Variants in TBCE observed in about 807,000 individuals in gnomAD.
TBCE encodes tubulin-specific chaperone E.
TBCE carries 53 observed loss-of-function variants against 77.0 expected under a neutral mutation model. That is an observed-to-expected ratio of 0.69 (90% CI 0.55 to 0.87). The LOEUF is 0.87. Ranked by LOEUF, TBCE falls within the 40% of genes least tolerant of loss-of-function variation. The probability of loss-of-function intolerance (pLI) is 0.00; values close to 1 mark genes in which losing one functional copy is unlikely to be tolerated. For missense variants in TBCE, 624 were observed against 622.4 expected (o/e 1.00, Z -0.03); for synonymous variants, 235 against 241.3 (o/e 0.97, Z 0.24).
chr1:235,410,831 A>G (rs1679743592), intron 3 of TBCE, among the ~76,000 whole-genome samples: 1 of 152,190 alleles, frequency 6.6e-6, no homozygotes, highest in Non-Finnish European at 1.5e-5. Flanking sequence ...GGTCTCTTGC[A>G]TTCAGGGTAG....
chr1:235,429,758 C>G lies in TBCE; in HGVS notation c.561-947C>G, dbSNP rs977900672. ...TTTGAGGCAGAGTCTCACTCTGTTG[C>G]CCAGGCTGGAGTACAGTGGTATGAT... is the stretch of plus-strand genomic sequence containing the variant. On this transcript the variant is annotated intron_variant, in intron 6 of 16. Transcript: ENST00000642610. 5 of 150,662 alleles carry G rather than the reference C, an allele frequency of 3.3e-5. No individual in the cohort carries two copies. The East Asian group carries it at 9.7e-4, about 29-fold the overall frequency. 9.3% of individuals were successfully genotyped at this position (150,662 alleles called of 1,614,324 possible).
chr1:235,431,828 A>G (rs140978664), intron 7 of TBCE, among the ~76,000 whole-genome samples: 3,421 of 150,328 alleles, frequency 0.023, 138 homozygotes, highest in African/African-American at 0.079. Context: ...ATGTACCACC[A>G]TGCCCAGCTA....
chr1:235,430,473 A>G, intron 6 of TBCE: 1 of 410,924 alleles, frequency 2.4e-6, no homozygotes, highest in Non-Finnish European at 4.5e-6. Flanking sequence ...TAATCCTGTG[A>G]AAGCATCTTT....
intron 2 of TBCE, among the ~76,000 whole-genome samples, chr1:235,392,152 G>A (rs1303766221): frequency 6.6e-6 from 1 of 151,602 alleles, no homozygotes; most frequent in Non-Finnish European, 1.5e-5. Flanking sequence ...CAAGATCCCT[G>A]TCTCTAGCAA....
In TBCE at chr1:235,404,666, CT is replaced by C. The variant is rs574733114; in HGVS notation, c.185+3082del. On this transcript the variant is annotated intron_variant, in intron 3 of 16. Coordinates refer to ENST00000642610, the MANE Select transcript of TBCE (RefSeq NM_003193.5). Reference sequence around the variant, plus strand: ...TCCTGTAACTTTTTTATGTTATAAACTTTAAATTTTTTTTTTTTTTGGGATG... The same window carrying C: ...TCCTGTAACTTTTTTATGTTATAAACTTAAATTTTTTTTTTTTTTGGGATG... Among the ~76,000 whole-genome samples the C allele has an allele frequency of 5.4e-3, 825 of 151,626 alleles. 6 individuals are homozygous for C. Among genetic ancestry groups the C allele is most frequent in the African/African-American group, 0.019 (803 of 41,392 alleles).
At chr1:235,388,975 C>T (rs1313939523) in intron 2 of TBCE, among the ~76,000 whole-genome samples, 1 of 152,144 alleles carries the variant, frequency 6.6e-6, no homozygotes, top group Non-Finnish European at 1.5e-5. Flanking sequence ...TCACTAGGTT[C>T]TGTTGACCCT....
intron 2 of TBCE, among the ~76,000 whole-genome samples, chr1:235,386,965 A>C (rs1276875440): frequency 1.3e-5 from 2 of 152,160 alleles, no homozygotes; most frequent in Non-Finnish European, 1.5e-5. Context: ...GGTGATGTAC[A>C]GATGGGTTTT....
In TBCE at chr1:235,434,211, G is replaced by A. The variant is rs376153508; in HGVS notation, c.668G>A (p.Arg223Gln). Residue 223 changes from arginine to glutamine, a missense_variant, in exon 8 of 17, where the codon CGG (arginine) becomes CAG (glutamine). By Grantham distance (43) the Arg-to-Gln change is conservative (BLOSUM62 1). Transcript: ENST00000642610. ...ACCGAGTTTCTCTTCCAGGTGCTGC[G>A]GTGTGTCGCGGGGTGCCCAGGCCTG... ...QTGITWAEVL[R>Q]CVAGCPGLEE... The A allele has an allele frequency of 3.2e-5, 51 of 1,614,082 alleles. No individual in the cohort carries two copies. The highest frequency in any genetic ancestry group is 8.8e-5 in the South Asian group (8 of 91,074).
intron 3 of TBCE, among the ~76,000 whole-genome samples, chr1:235,402,149 C>T (rs1679149771): frequency 1.3e-5 from 2 of 151,448 alleles, no homozygotes; most frequent in South Asian, 4.2e-4. Flanking sequence ...CTGCAACCTC[C>T]ACCTCCTAGG....
At chr1:235,376,534 C>T (rs550374022) in intron 1 of TBCE, among the ~76,000 whole-genome samples, 33 of 152,276 alleles carry the variant, frequency 2.2e-4, no homozygotes, top group African/African-American at 6.7e-4. Flanking sequence ...GTTCTGCAGT[C>T]ATTTTATTCG....
chr1:235,384,822 C>T (rs556365613), intron 2 of TBCE, among the ~76,000 whole-genome samples: 94 of 151,860 alleles, frequency 6.2e-4, no homozygotes, highest in African/African-American at 2.1e-3. Flanking sequence ...TCCTTCAGTT[C>T]TGCTCTGATT....
intron 2 of TBCE, among the ~76,000 whole-genome samples, chr1:235,380,509 G>A (rs184110697): frequency 1.1e-4 from 17 of 151,936 alleles, no homozygotes; most frequent in Admixed American, 3.9e-4. Context: ...ATTAATCCAC[G>A]TGTGTAGGTA....
At chr1:235,425,613 G>A (rs1680665867) in intron 5 of TBCE, among the ~76,000 whole-genome samples, 2 of 152,152 alleles carry the variant, frequency 1.3e-5, no homozygotes, top group Admixed American at 1.3e-4. Flanking sequence ...ACTTTGAAAA[G>A]TCCGTTTCAA....
chr1:235,435,972 T>G, intron 9 of TBCE, 132 bp downstream of exon 9: 2 of 844,108 alleles, frequency 2.4e-6, no homozygotes, highest in South Asian at 3.1e-5. Context: ...AGTAATTCCC[T>G]TTGGGAAATT....
intron 3 of TBCE, among the ~76,000 whole-genome samples, chr1:235,409,868 A>C (rs1234534913): frequency 7.2e-6 from 1 of 139,606 alleles, no homozygotes; most frequent in Non-Finnish European, 1.5e-5. Context: ...GTCTCTACTA[A>C]AAATACAAAA....
chr1:235,450,063 G>T lies in TBCE; in HGVS notation c.*1301G>T. 1.1e-6 allele frequency: 1 copy of T among 940,774 alleles called. No individual in the cohort carries two copies. The allele number at this position is 940,774 out of a possible 1,614,324, so 58.3% of individuals were successfully genotyped here. On this transcript the variant is annotated 3_prime_UTR_variant, in exon 17 of 17. Transcript: ENST00000642610. Reference sequence around the variant, plus strand: ...ATTTGTGCAAACATTAAGAAACACCGCATTGGTTCTGGGTGAAAGTGCCAG... The same window carrying T: ...ATTTGTGCAAACATTAAGAAACACCTCATTGGTTCTGGGTGAAAGTGCCAG...
chr1:235,420,679 C>T (rs562375057), intron 5 of TBCE, among the ~76,000 whole-genome samples: 173 of 152,242 alleles, frequency 1.1e-3, no homozygotes, highest in Non-Finnish European at 2.0e-3. Context: ...GACGGGGTTT[C>T]ACCATGTTGG....
At chr1:235,437,879 A>G (rs1458389193) in intron 12 of TBCE, among the ~76,000 whole-genome samples, 1 of 152,004 alleles carries the variant, frequency 6.6e-6, no homozygotes, top group East Asian at 1.9e-4. Flanking sequence ...AGGGGGTGAG[A>G]TGTAGCTTTC....
chr1:235,426,791 G>A (rs774769567), intron 5 of TBCE, among the ~76,000 whole-genome samples: 4 of 152,244 alleles, frequency 2.6e-5, no homozygotes, highest in Non-Finnish European at 4.4e-5. Context: ...AATTACGAGC[G>A]CGTGCCACCA....
Sources: allele counts gnomAD v4.1 joint callset (sites outside exome capture counted in the v4.1 genomes callset), GRCh38; gene constraint gnomAD v4.1.1; transcripts MANE v1.5; gene names NCBI Gene and HGNC (gene_info 2026-07-23, HGNC 2026-07-21).